The following SMAGP variants were observed in gnomAD, a reference collection of about 807,000 sequenced individuals.
SMAGP encodes small cell adhesion glycoprotein, also known as small cell transmembrane and glycosylated protein.
A neutral mutation model predicts 10.1 loss-of-function variants in SMAGP; 7 were observed. That is an observed-to-expected ratio of 0.70 (90% CI 0.40 to 1.31). The LOEUF is 1.31. Among genes scored for constraint, SMAGP ranks in the 50% most tolerant of loss-of-function variants. The pLI is 0.01. For synonymous variants in SMAGP, 49 were observed against 47.2 expected (o/e 1.04, Z -0.16); for missense variants, 113 against 116.5 (o/e 0.97, Z 0.14).
At chr12:51,258,056 A>G (rs1944901356) in intron 2 of SMAGP, among the ~76,000 whole-genome samples, 1 of 152,186 alleles carries the variant, frequency 6.6e-6, no homozygotes, top group Admixed American at 6.6e-5. Flanking sequence ...AAGTCCAGCA[A>G]TTTGGAAGGC....
At chr12:51,265,737 GT>G (rs916314634) in intron 2 of SMAGP, among the ~76,000 whole-genome samples, 10 of 152,272 alleles carry the variant, frequency 6.6e-5, no homozygotes, top group Admixed American at 6.5e-4. Flanking sequence ...TCAAGTTTCG[GT>G]TTGGGAAGGT....
intron 2 of SMAGP, among the ~76,000 whole-genome samples, chr12:51,267,558 A>T (rs1299117373): frequency 2.5e-4 from 34 of 135,278 alleles, no homozygotes; most frequent in Admixed American, 1.7e-3. Context: ...CAGTGGCATG[A>T]TCTCGGCTCA....
Position 51,251,418 on chromosome 12 carries a change from C to CGAA in SMAGP, c.35-4588_35-4587insTTC, listed in dbSNP as rs760437877. 6 of 81,066 alleles carry CGAA rather than the reference C, an allele frequency of 7.4e-5. No individual in the cohort carries two copies. The East Asian group carries it at 2.3e-3, about 31-fold the overall frequency. 5.0% of individuals were successfully genotyped at this position (81,066 alleles called of 1,614,324 possible). A position where few individuals can be genotyped will look rare whatever the true frequency, so the allele number is the denominator to read the frequency against. On this transcript the variant is annotated intron_variant, in intron 2 of 3. Coordinates refer to ENST00000603798, the MANE Select transcript of SMAGP (RefSeq NM_001031628.2). ...CAACATAGCCAGACTCCCATCTCTA[C>CGAA]AAAAAAAAAAAAAAAAAAAAAGTTA...
At chr12:51,268,553 T>TCTTCCTTC (rs144330618) in intron 2 of SMAGP, among the ~76,000 whole-genome samples, 1 of 148,408 alleles carries the variant, frequency 6.7e-6, no homozygotes, top group East Asian at 2.1e-4. Context: ...TATACAATAA[T>TCTTCCTTC]CTTCCTTCCT....
Position 51,257,046 on chromosome 12 carries a change from G to A in SMAGP, c.35-10215C>T, listed in dbSNP as rs557301225. Among the ~76,000 whole-genome samples, 7 of 152,198 alleles carry A rather than the reference G, an allele frequency of 4.6e-5. No homozygotes were observed. The East Asian group carries it at 1.4e-3, about 29-fold the overall frequency. On this transcript the variant is annotated intron_variant, in intron 2 of 3. Transcript: ENST00000603798. ...GTTCAAGGAAGAAATGGAAGGAGAGGAACTGAAGGCAGAATATAAATAAAT... is the reference window on the plus strand; with the variant it reads ...GTTCAAGGAAGAAATGGAAGGAGAGAAACTGAAGGCAGAATATAAATAAAT...
intron 2 of SMAGP, among the ~76,000 whole-genome samples, chr12:51,265,287 T>C (rs10876158): frequency 0.98 from 149,883 of 152,292 alleles, 73,788 homozygotes; most frequent in Middle Eastern, 1. Flanking sequence ...ATGGTGCAGC[T>C]GCTGTGCAAA....
intron 2 of SMAGP, among the ~76,000 whole-genome samples, chr12:51,254,277 G>A (rs1184463244): frequency 4.6e-5 from 7 of 152,206 alleles, no homozygotes; most frequent in Admixed American, 2.0e-4. Flanking sequence ...GGCCGGGCGC[G>A]GTGGCTCATG....
intron 2 of SMAGP, among the ~76,000 whole-genome samples, chr12:51,257,389 C>T (rs1211765856): frequency 6.6e-6 from 1 of 152,162 alleles, no homozygotes. Flanking sequence ...TGGCAGTTCT[C>T]TTCTGATAAC....
At chr12:51,259,042 G>T (rs990388628) in intron 2 of SMAGP, among the ~76,000 whole-genome samples, 2 of 146,678 alleles carry the variant, frequency 1.4e-5, no homozygotes, top group African/African-American at 5.0e-5. Flanking sequence ...GAGGATTCTA[G>T]AGGATCACTT....
At chr12:51,253,180 T>C (rs1418177543) in intron 2 of SMAGP, among the ~76,000 whole-genome samples, 2 of 152,156 alleles carry the variant, frequency 1.3e-5, no homozygotes, top group Non-Finnish European at 2.9e-5. Context: ...ATGGGACTAC[T>C]GAGAGCAAGC....
intron 3 of SMAGP, 52 bp from the exon 4 acceptor site, chr12:51,246,171 A>C (rs1238111800): frequency 2.5e-6 from 4 of 1,601,328 alleles, no homozygotes; most frequent in Non-Finnish European, 3.4e-6. Context: ...AGGATGTCTC[A>C]GTAGTTCCTG....
At chr12:51,258,931 G>C (rs988099192) in intron 2 of SMAGP, among the ~76,000 whole-genome samples, 2 of 139,934 alleles carry the variant, frequency 1.4e-5, no homozygotes, top group Non-Finnish European at 3.0e-5. Flanking sequence ...AGGACTGCTT[G>C]AGCCCAGGAG....
At chr12:51,260,513 A>G (rs1468582572) in intron 2 of SMAGP, among the ~76,000 whole-genome samples, 1 of 150,744 alleles carries the variant, frequency 6.6e-6, no homozygotes, top group East Asian at 1.9e-4. Flanking sequence ...AGTAGTTGGG[A>G]CTACAGGTGC....
chr12:51,267,475 C>A (rs200536539), intron 2 of SMAGP, among the ~76,000 whole-genome samples: 2 of 144,704 alleles, frequency 1.4e-5, no homozygotes, highest in African/African-American at 5.1e-5. Flanking sequence ...TTCCCCCCCC[C>A]CACTCCGTGT....
chr12:51,261,528 A>G (rs1944932266), intron 2 of SMAGP, among the ~76,000 whole-genome samples: 1 of 152,178 alleles, frequency 6.6e-6, no homozygotes, highest in Non-Finnish European at 1.5e-5. Flanking sequence ...TGACCTGTAC[A>G]AGAGAACTAA....
chr12:51,253,218 T>C (rs1944856581), intron 2 of SMAGP, among the ~76,000 whole-genome samples: 1 of 152,180 alleles, frequency 6.6e-6, no homozygotes, highest in Non-Finnish European at 1.5e-5. Context: ...ACAGCCTTCT[T>C]AGACTGAGAT....
At chr12:51,259,091 G>T (rs561130182) in intron 2 of SMAGP, among the ~76,000 whole-genome samples, 1 of 151,218 alleles carries the variant, frequency 6.6e-6, no homozygotes, top group East Asian at 1.9e-4. Flanking sequence ...CCATGTTTGC[G>T]CCACTGCATG....
intron 2 of SMAGP, among the ~76,000 whole-genome samples, chr12:51,249,740 C>T (rs1454878708): frequency 1.3e-5 from 2 of 151,994 alleles, no homozygotes; most frequent in East Asian, 3.9e-4. Context: ...CCTCAGCCTC[C>T]TGAGTAGCTG....
intron 2 of SMAGP, among the ~76,000 whole-genome samples, chr12:51,263,024 A>G (rs965477701): frequency 6.6e-6 from 1 of 152,230 alleles, no homozygotes; most frequent in Admixed American, 6.5e-5. Flanking sequence ...ACAGGCTTGC[A>G]GTAAATCAGA....
Sources: gnomAD v4.1 joint callset for allele counts (sites outside exome capture counted in the v4.1 genomes callset) on GRCh38, gnomAD v4.1.1 for gene constraint, MANE v1.5 for transcripts, NCBI Gene and HGNC (gene_info 2026-07-23, HGNC 2026-07-21) for gene names.